LRRC40: variants seen among roughly 807,000 people sequenced by gnomAD.
The protein encoded by LRRC40 is leucine-rich repeat-containing protein 40.
In LRRC40, 76 loss-of-function variants were observed where a neutral mutation model predicts 72.8. The ratio of observed to expected loss-of-function variants is 1.04; its 90% confidence interval spans 0.87 to 1.26. LRRC40 has a LOEUF of 1.26. Among genes scored for constraint, LRRC40 ranks in the 50% most tolerant of loss-of-function variants. LRRC40 has a pLI of 0.00. For missense variants in LRRC40, 684 were observed against 698.9 expected (o/e 0.98, Z 0.24); for synonymous variants, 243 against 254.2 (o/e 0.96, Z 0.42).
At chr1:70,199,201 A>T (rs1571499521) in intron 1 of LRRC40, among the ~76,000 whole-genome samples, 1 of 140,528 alleles carries the variant, frequency 7.1e-6, no homozygotes. Flanking sequence ...ATAGCAGTCA[A>T]ATTATACATA....
intron 9 of LRRC40, among the ~76,000 whole-genome samples, chr1:70,164,362 C>A (rs1667833430): frequency 6.6e-6 from 1 of 151,958 alleles, no homozygotes; most frequent in Non-Finnish European, 1.5e-5. Flanking sequence ...TGCACTCCAA[C>A]CTGGGCAACG....
Position 70,159,394 on chromosome 1 carries a change from T to C in LRRC40, c.1156A>G (p.Thr386Ala). Residue 386 changes from threonine (T) to alanine (A), a missense_variant, in exon 10 of 15, where the codon ACA (threonine) becomes GCA (alanine). Physicochemically the swap from Thr to Ala is moderately conservative, Grantham distance 58. Coordinates refer to ENST00000370952, the MANE Select transcript of LRRC40 (RefSeq NM_017768.5). ...QSESATETAM[T>A]LPSESRVNIH... Reference sequence around the variant, plus strand: ...TTGACTCTGGATTCACTTGGTAGTGTCATGGCAGTCTCAGTAGCAGACTCA... The same window carrying C: ...TTGACTCTGGATTCACTTGGTAGTGCCATGGCAGTCTCAGTAGCAGACTCA... 1 of 1,599,326 alleles carries C rather than the reference T, an allele frequency of 6.3e-7. No homozygotes were observed. The highest frequency in any genetic ancestry group is 1.1e-5 in the South Asian group (1 of 88,644).
intron 1 of LRRC40, among the ~76,000 whole-genome samples, chr1:70,204,917 T>C (rs548394287): frequency 2.0e-5 from 3 of 152,290 alleles, no homozygotes; most frequent in Admixed American, 2.0e-4. Context: ...TCCTTGTAAG[T>C]AGAACTCTGC....
At chr1:70,181,252 A>T (rs926287253) in intron 4 of LRRC40, 43 bp from the exon 5 acceptor site, 27 of 1,228,232 alleles carry the variant, frequency 2.2e-5, no homozygotes, top group Non-Finnish European at 2.9e-5. Context: ...AACAAGTAAA[A>T]AAATAAATAA....
In LRRC40 at chr1:70,184,898, T is replaced by C. The variant is rs1447347222; in HGVS notation, c.424A>G (p.Ile142Val). 7 of 1,603,476 alleles carry C rather than the reference T, an allele frequency of 4.4e-6. No individual in the cohort carries two copies. Among genetic ancestry groups the C allele is most frequent in the Non-Finnish European group, 6.0e-6 (7 of 1,171,630 alleles). The part of the protein sequence containing the change: ...KLNVSHNKLK[I>V]LPEEITNLRN... ...AGGTTTGTAATTTCTTCAGGGAGTATTTTCAGTTTATTATGGCTATTGGTT... is the reference window on the plus strand; with the variant it reads ...AGGTTTGTAATTTCTTCAGGGAGTACTTTCAGTTTATTATGGCTATTGGTT... Residue 142 changes from isoleucine (I) to valine (V), a missense_variant, in exon 4 of 15, where the codon ATA becomes GTA. Ile to Val is a conservative substitution (Grantham distance 29). Transcript: ENST00000370952.
intron 11 of LRRC40, among the ~76,000 whole-genome samples, chr1:70,155,211 A>AT (rs1667610760): frequency 6.6e-6 from 1 of 152,164 alleles, no homozygotes; most frequent in Non-Finnish European, 1.5e-5. Context: ...GGAGAAAAAT[A>AT]TTAACAGGCT....
intron 6 of LRRC40, among the ~76,000 whole-genome samples, chr1:70,177,307 CAAAAAA>C (rs1362765038): frequency 6.6e-6 from 1 of 151,814 alleles, no homozygotes; most frequent in East Asian, 1.9e-4. Context: ...GATTCTGCCT[CAAAAAA>C]AGAAAAATCA....
In LRRC40 at chr1:70,145,809, A is replaced by G; in HGVS notation, c.1800T>C (p.Ile600=). 6.3e-7 allele frequency: 1 copy of G among 1,579,188 alleles called. No individual in the cohort carries two copies. Among genetic ancestry groups the G allele is most frequent in the South Asian group, 1.1e-5 (1 of 89,974 alleles). ...ATAAAGCAACTCCATGTTAAGTAGG[A>G]ATTCGGTCTCTCAAATATTCAAGTA... The part of the protein sequence containing the change: ...AAILEYLRDR[I]PT The change falls in exon 15 of 15, where the codon ATT becomes ATC. Residue 600 remains isoleucine (I), a synonymous_variant. Coordinates refer to ENST00000370952, the MANE Select transcript of LRRC40 (RefSeq NM_017768.5).
intron 7 of LRRC40, among the ~76,000 whole-genome samples, chr1:70,175,072 A>C (rs1024526258): frequency 1.3e-5 from 2 of 152,078 alleles, no homozygotes; most frequent in Non-Finnish European, 2.9e-5. Context: ...TTGGGCTTAA[A>C]GTGAAAAATC....
At chr1:70,147,839 TC>T (rs1488634550) in intron 14 of LRRC40, 1 of 152,172 alleles carries the variant, frequency 6.6e-6, no homozygotes, top group African/African-American at 2.4e-5. Flanking sequence ...ACCTCAAACC[TC>T]CTTTATATTC....
chr1:70,181,428 T>C (rs1013048336), intron 4 of LRRC40, among the ~76,000 whole-genome samples: 2 of 152,070 alleles, frequency 1.3e-5, no homozygotes, highest in Non-Finnish European at 2.9e-5. Flanking sequence ...TGTTCATCAA[T>C]GGTAGTAGAC....
chr1:70,169,987 A>G (rs1161846468), intron 9 of LRRC40, among the ~76,000 whole-genome samples: 2 of 152,188 alleles, frequency 1.3e-5, no homozygotes, highest in Non-Finnish European at 2.9e-5. Flanking sequence ...AAAACAACAG[A>G]TGAATAACTC....
At chr1:70,158,111 A>AG (rs1489470556) in intron 10 of LRRC40, among the ~76,000 whole-genome samples, 2 of 149,982 alleles carry the variant, frequency 1.3e-5, no homozygotes, top group East Asian at 3.9e-4. Flanking sequence ...AAAAAAAAAA[A>AG]AAAAAAAAAA....
At chr1:70,150,614 C>A (rs1667454895) in intron 13 of LRRC40, among the ~76,000 whole-genome samples, 1 of 152,212 alleles carries the variant, frequency 6.6e-6, no homozygotes, top group Non-Finnish European at 1.5e-5. Context: ...ACTTGCCAGA[C>A]TTTATCTGTT....
intron 3 of LRRC40, among the ~76,000 whole-genome samples, chr1:70,186,565 T>C (rs1326508710): frequency 6.6e-6 from 1 of 152,226 alleles, no homozygotes; most frequent in African/African-American, 2.4e-5. Flanking sequence ...TCTGTAACCG[T>C]ATCTATTTTA....
At position 70,165,942 on chromosome 1, in the gene LRRC40, A is replaced by C. The variant is rs931479016; in HGVS notation, c.1112-6504T>G. On this transcript the variant is annotated intron_variant, in intron 9 of 14. Coordinates refer to ENST00000370952, the MANE Select transcript of LRRC40 (RefSeq NM_017768.5). ...TTCACAGAGAAAATACTTATTACCTATAAATAATAAAGTTATGCTTTGATA... is the reference window on the plus strand; with the variant it reads ...TTCACAGAGAAAATACTTATTACCTCTAAATAATAAAGTTATGCTTTGATA... Among the ~76,000 whole-genome samples, 3 of 152,326 alleles carry C rather than the reference A, an allele frequency of 2.0e-5. No individual in the cohort carries two copies. In the South Asian group the frequency reaches 6.2e-4, roughly 32 times the overall value.
chr1:70,164,796 A>T (rs1667844014), intron 9 of LRRC40, among the ~76,000 whole-genome samples: 1 of 152,200 alleles, frequency 6.6e-6, no homozygotes, highest in Non-Finnish European at 1.5e-5. Flanking sequence ...TGCAAACCTC[A>T]AACCCAGTCC....
At chr1:70,185,720 C>T (rs1375760646) in intron 3 of LRRC40, among the ~76,000 whole-genome samples, 1 of 152,106 alleles carries the variant, frequency 6.6e-6, no homozygotes, top group Non-Finnish European at 1.5e-5. Context: ...GTTTGAGGAC[C>T]TAGGATGTCA....
intron 10 of LRRC40, 131 bp from the exon 11 acceptor site, chr1:70,155,927 T>C (rs1358623267): frequency 4.6e-6 from 2 of 433,762 alleles, no homozygotes; most frequent in African/African-American, 4.0e-5. Context: ...TAAAATTTTG[T>C]AACAAATGCC....
Sources: gnomAD v4.1 joint callset for allele counts (sites outside exome capture counted in the v4.1 genomes callset) on GRCh38, gnomAD v4.1.1 for gene constraint, MANE v1.5 for transcripts, NCBI Gene and HGNC (gene_info 2026-07-23, HGNC 2026-07-21) for gene names.